CARNMT1: variants seen among roughly 807,000 people sequenced by gnomAD.
The protein encoded by CARNMT1 is protein-L-histidine N-pros-methyltransferase CARNMT1.
A neutral mutation model predicts 49.6 loss-of-function variants in CARNMT1; 28 were observed. That is an observed-to-expected ratio of 0.56 (90% CI 0.42 to 0.77). The LOEUF is 0.77. Among genes scored for constraint, CARNMT1 ranks in the 30% least tolerant of loss-of-function variants. The probability of loss-of-function intolerance (pLI) is 0.00; values close to 1 mark genes in which losing one functional copy is unlikely to be tolerated. For missense variants in CARNMT1, 421 were observed against 512.6 expected (o/e 0.82, Z 1.73); for synonymous variants, 178 against 175.0 (o/e 1.02, Z -0.13).
At position 75,016,426 on chromosome 9, in the gene CARNMT1, A is replaced by C; in HGVS notation, c.432T>G (p.Asn144Lys). Residue 144 changes from asparagine to lysine, a missense_variant, in exon 3 of 8, where the codon AAT (asparagine) becomes AAG (lysine). Physicochemically the swap from Asn to Lys is moderately conservative, Grantham distance 94. Coordinates refer to ENST00000376834, the MANE Select transcript of CARNMT1 (RefSeq NM_152420.3). ...FENKEYGEDG[N>K]GKIMPASTFD... is the part of the protein sequence containing the mutation. ...ATGTAGATGCTGGCATAATCTTTCC[A>C]TTCCCCTGTTTAAAAAACAGACATC... The C allele has an allele frequency of 6.2e-7, 1 of 1,613,116 alleles. No individual in the cohort carries two copies. The highest frequency in any genetic ancestry group is 8.5e-7 in the Non-Finnish European group (1 of 1,179,824).
chr9:74,994,161 C>T (rs1833118888), intron 6 of CARNMT1, among the ~76,000 whole-genome samples: 1 of 152,160 alleles, frequency 6.6e-6, no homozygotes, highest in South Asian at 2.1e-4. Flanking sequence ...CAAAGAAAGG[C>T]TATGTGAATA....
At chr9:74,991,974 G>A (rs140890971) in intron 6 of CARNMT1, among the ~76,000 whole-genome samples, 59 of 151,984 alleles carry the variant, frequency 3.9e-4, no homozygotes, top group Admixed American at 1.1e-3. Flanking sequence ...AGGGAATCTC[G>A]TTTTAAAAAA....
rs1359744827 is a variant in CARNMT1, at chr9:75,011,387, A to ATTG, written c.590+4878_590+4880dup. On this transcript the variant is annotated intron_variant, in intron 3 of 7. Transcript: ENST00000376834. Reference sequence around the variant, plus strand: ...TGTGATTGTCATTATTATTATTATTATTGAGACAGGGTCTTGCTCTGTTGC... The same window carrying ATTG: ...TGTGATTGTCATTATTATTATTATTATTGTTGAGACAGGGTCTTGCTCTGTTGC... 3.9e-5 allele frequency among the ~76,000 whole-genome samples: 6 copies of ATTG among 152,168 alleles called. 1 individual carries two copies. In the South Asian group the frequency reaches 1.0e-3, roughly 26 times the overall value.
At chr9:75,018,722 C>T (rs983268178) in intron 1 of CARNMT1, among the ~76,000 whole-genome samples, 1 of 152,122 alleles carries the variant, frequency 6.6e-6, no homozygotes, top group Non-Finnish European at 1.5e-5. Flanking sequence ...TCCCTTGGCA[C>T]TTTGGGAGGC....
intron 6 of CARNMT1, among the ~76,000 whole-genome samples, chr9:74,992,320 C>G (rs947273052): frequency 1.3e-5 from 2 of 151,680 alleles, no homozygotes; most frequent in African/African-American, 4.8e-5. Flanking sequence ...GCTCTAAAAT[C>G]TGATAAGACC....
chr9:75,022,327 G>A lies in CARNMT1; in HGVS notation c.231-4879C>T, dbSNP rs143578967. Reference sequence around the variant, plus strand: ...CCAGCTCTGCCTCCCAGCTTCAAGCGCTTCTTCTGGTTCAGTCTCCCAAGT... The same window carrying A: ...CCAGCTCTGCCTCCCAGCTTCAAGCACTTCTTCTGGTTCAGTCTCCCAAGT... On this transcript the variant is annotated intron_variant, in intron 1 of 7. Transcript: ENST00000376834. Among the ~76,000 whole-genome samples, 567 of 145,174 alleles carry A rather than the reference G, an allele frequency of 3.9e-3. 1 individual carries two copies. The highest frequency in any genetic ancestry group is 9.3e-3 in the East Asian group (45 of 4,858).
At chr9:75,020,615 G>A (rs1049065944) in intron 1 of CARNMT1, among the ~76,000 whole-genome samples, 1 of 151,912 alleles carries the variant, frequency 6.6e-6, no homozygotes, top group African/African-American at 2.4e-5. Flanking sequence ...TTTGTCATTT[G>A]GTTTCTTAAA....
Position 75,007,734 on chromosome 9 carries a change from AATAAAAATAAT to A in CARNMT1, c.591-7875_591-7865del, listed in dbSNP as rs966440873. ...ACAGAGCGAGACCCTGTCTCAAAAA[AATAAAAATAAT>A]AAAAAAAAAAAAACTAAGAAAATTC... On this transcript the variant is annotated intron_variant, in intron 3 of 7. Transcript: ENST00000376834. Among the ~76,000 whole-genome samples, 28 of 118,030 alleles carry A rather than the reference AATAAAAATAAT, an allele frequency of 2.4e-4. 3 individuals are homozygous for A. Among genetic ancestry groups the A allele is most frequent in the Non-Finnish European group, 3.6e-5 (2 of 56,126 alleles). The allele number at this position is 118,030 out of a possible 152,430, so 77.4% of individuals were successfully genotyped here. A position where few individuals can be genotyped will look rare whatever the true frequency, so the allele number is the denominator to read the frequency against.
rs930588865 is a variant in CARNMT1, at chr9:74,981,186, T to G, written c.*2581A>C. The G allele has an allele frequency of 6.6e-6, 1 of 152,164 alleles. No individual in the cohort carries two copies. The highest frequency in any genetic ancestry group is 6.5e-5 in the Admixed American group (1 of 15,280). The allele number at this position is 152,164 out of a possible 1,614,324, so 9.4% of individuals were successfully genotyped here. A position where few individuals can be genotyped will look rare whatever the true frequency, so the allele number is the denominator to read the frequency against. ...ACAGTACATTTTACAGTTACCAAAC[T>G]TCATAATTTTATACTGTGATTTTTA... On this transcript the variant is annotated 3_prime_UTR_variant, in exon 8 of 8. Coordinates refer to ENST00000376834, the MANE Select transcript of CARNMT1 (RefSeq NM_152420.3).
intron 2 of CARNMT1, 138 bp from the exon 3 acceptor site, chr9:75,016,569 G>A: frequency 2.8e-6 from 2 of 722,134 alleles, no homozygotes; most frequent in Middle Eastern, 5.8e-4. Context: ...TGGGGTTCAA[G>A]TGCAGCTTGA....
chr9:74,996,208 T>C, intron 6 of CARNMT1: 1 of 341,718 alleles, frequency 2.9e-6, no homozygotes, highest in Non-Finnish European at 5.3e-6. Flanking sequence ...ACAATTAGTA[T>C]ACACTGAAAT....
intron 1 of CARNMT1, chr9:75,027,272 A>C (rs1822558750): frequency 1.8e-6 from 1 of 558,552 alleles, no homozygotes; most frequent in Admixed American, 6.4e-5. Context: ...ATGAATGAGG[A>C]GCATAAAGGT....
intron 2 of CARNMT1, 71 bp from the exon 3 acceptor site, chr9:75,016,502 C>G: frequency 6.8e-7 from 1 of 1,465,426 alleles, no homozygotes; most frequent in Non-Finnish European, 9.4e-7. Context: ...AATAGACATG[C>G]TACTAAGGGG....
At chr9:75,008,918 T>C (rs1587284560) in intron 3 of CARNMT1, among the ~76,000 whole-genome samples, 1 of 152,212 alleles carries the variant, frequency 6.6e-6, no homozygotes, top group Non-Finnish European at 1.5e-5. Context: ...TATAAAACTA[T>C]GGCAATTAAA....
chr9:74,984,657 C>T (rs527783244), intron 7 of CARNMT1, among the ~76,000 whole-genome samples: 6 of 152,254 alleles, frequency 3.9e-5, no homozygotes, highest in Admixed American at 3.9e-4. Flanking sequence ...AAATGAATTT[C>T]ACATTTAGAC....
At chr9:74,989,017 T>C (rs936582044) in intron 6 of CARNMT1, among the ~76,000 whole-genome samples, 2 of 152,224 alleles carry the variant, frequency 1.3e-5, no homozygotes, top group Non-Finnish European at 1.5e-5. Context: ...TTAGTGAATA[T>C]GATAGGTGAA....
chr9:74,981,707 C>A lies in CARNMT1; in HGVS notation c.*2060G>T, dbSNP rs1832696960. ...AAAAAAAATTAATTAATAAAGCCAA[C>A]CCACCAGTGTCAACCTGTTTTTGCC... On this transcript the variant is annotated 3_prime_UTR_variant, in exon 8 of 8. Coordinates refer to ENST00000376834, the MANE Select transcript of CARNMT1 (RefSeq NM_152420.3). 1 of 151,910 alleles carries A rather than the reference C, an allele frequency of 6.6e-6. No homozygotes were observed. Among genetic ancestry groups the A allele is most frequent in the Non-Finnish European group, 1.5e-5 (1 of 67,950 alleles). 9.4% of individuals were successfully genotyped at this position (151,910 alleles called of 1,614,324 possible). A position where few individuals can be genotyped will look rare whatever the true frequency, so the allele number is the denominator to read the frequency against.
At chr9:74,989,794 A>G (rs926797945) in intron 6 of CARNMT1, among the ~76,000 whole-genome samples, 4 of 152,248 alleles carry the variant, frequency 2.6e-5, no homozygotes, top group African/African-American at 9.6e-5. Flanking sequence ...CAAAGTCAAC[A>G]GCACAGAGAA....
rs1832841134 is a variant in CARNMT1 at position 74,986,421 on chromosome 9, A to G, written c.1025-1411T>C. On this transcript the variant is annotated intron_variant, in intron 6 of 7. Transcript: ENST00000376834. ...CAATGGTTCCTTATCAAACTACTCTATCAAGCTGAAATTTGTTATATTAGT... is the reference window on the plus strand; with the variant it reads ...CAATGGTTCCTTATCAAACTACTCTGTCAAGCTGAAATTTGTTATATTAGT... Among the ~76,000 whole-genome samples the G allele has an allele frequency of 2.0e-5, 3 of 152,278 alleles. No homozygotes were observed. In the South Asian group the frequency reaches 6.2e-4, roughly 32 times the overall value.
Sources: allele counts gnomAD v4.1 joint callset (sites outside exome capture counted in the v4.1 genomes callset), GRCh38; gene constraint gnomAD v4.1.1; transcripts MANE v1.5; gene names NCBI Gene and HGNC (gene_info 2026-07-23, HGNC 2026-07-21).